Variants in ZMIZ1 observed in about 807,000 individuals in gnomAD.
ZMIZ1 encodes zinc finger MIZ domain-containing protein 1.
ZMIZ1 carries 17 observed loss-of-function variants against 113.9 expected under a neutral mutation model. The observed-to-expected ratio is 0.15, with a 90% CI of 0.10 to 0.22. The LOEUF is 0.22. Ranked by LOEUF, ZMIZ1 falls within the 10% of genes least tolerant of loss-of-function variation. The pLI is 1.00. For missense variants in ZMIZ1, 1,059 were observed against 1,477.8 expected (o/e 0.72, Z 4.65); for synonymous variants, 607 against 603.1 (o/e 1.01, Z -0.09).
At chr10:79,311,284 A>AGTAGGGGG in intron 24 of ZMIZ1, 100 bp downstream of exon 24, 1 of 187,322 alleles carries the variant, frequency 5.3e-6, no homozygotes, top group Non-Finnish European at 9.0e-6. Context: ...CCCCGAAGGG[A>AGTAGGGGG]GGAGGTGGGT....
chr10:79,255,839 A>G (rs940231157), intron 7 of ZMIZ1, among the ~76,000 whole-genome samples: 2 of 152,234 alleles, frequency 1.3e-5, no homozygotes, highest in Admixed American at 6.5e-5. Flanking sequence ...TCGATCATAA[A>G]CAGAAGTGAT....
intron 7 of ZMIZ1, among the ~76,000 whole-genome samples, chr10:79,257,368 C>T (rs183016167): frequency 3.9e-4 from 60 of 152,364 alleles, no homozygotes; most frequent in African/African-American, 1.3e-3. Flanking sequence ...CTGAGGGCCT[C>T]AGTTGTGCTG....
chr10:79,285,379 T>A (rs1259799398), intron 8 of ZMIZ1: 15 of 437,320 alleles, frequency 3.4e-5, no homozygotes, highest in South Asian at 2.4e-4. Context: ...CTGGGCCTCA[T>A]ACATGTTAGG....
At chr10:79,310,813 G>T (rs1172481607) in intron 23 of ZMIZ1, 111 bp from the exon 24 acceptor site, 7 of 1,295,942 alleles carry the variant, frequency 5.4e-6, no homozygotes, top group Non-Finnish European at 6.3e-6. Context: ...GGGTGGCCAC[G>T]TTTCGGGGGT....
rs114190561 is a variant in ZMIZ1, at chr10:79,237,589, C to T, written c.280+21315C>T. ...TGTGGCAACATAACTTCAGTCTTCA[C>T]GTGGCATTGTCCCTGCATGCATGTC... is the stretch of plus-strand genomic sequence containing the variant. On this transcript the variant is annotated intron_variant, in intron 7 of 24. Coordinates refer to ENST00000334512, the MANE Select transcript of ZMIZ1 (RefSeq NM_020338.4). Among the ~76,000 whole-genome samples, 150 of 152,302 alleles carry T rather than the reference C, an allele frequency of 9.8e-4. 1 individual carries two copies. Among genetic ancestry groups the T allele is most frequent in the African/African-American group, 3.3e-3 (138 of 41,566 alleles).
At chr10:79,308,742 C>T (rs76410646) in intron 23 of ZMIZ1, among the ~76,000 whole-genome samples, 2 of 152,086 alleles carry the variant, frequency 1.3e-5, no homozygotes, top group Non-Finnish European at 2.9e-5. Flanking sequence ...TCCTGATGCC[C>T]CTTCCTGGGC....
chr10:79,234,741 G>A (rs184154419), intron 7 of ZMIZ1, among the ~76,000 whole-genome samples: 16 of 152,334 alleles, frequency 1.1e-4, no homozygotes, highest in African/African-American at 3.8e-4. Flanking sequence ...TAGACCTCTT[G>A]CCTGGCCCAC....
chr10:79,298,296 C>A, intron 14 of ZMIZ1, 110 bp from the exon 15 acceptor site: 2 of 1,265,272 alleles, frequency 1.6e-6, no homozygotes, highest in Admixed American at 2.6e-5. Flanking sequence ...GCTCTCCTCC[C>A]GAGGGGCATG....
intron 20 of ZMIZ1, 33 bp from the exon 21 acceptor site, chr10:79,305,500 A>C (rs1854625689): frequency 6.2e-7 from 1 of 1,612,492 alleles, no homozygotes; most frequent in South Asian, 1.1e-5. Flanking sequence ...TGGGTCCTGG[A>C]GCAGAGGCCA....
chr10:79,093,527 A>G (rs1160691583), intron 1 of ZMIZ1, among the ~76,000 whole-genome samples: 6 of 151,874 alleles, frequency 4.0e-5, no homozygotes, highest in Admixed American at 2.6e-4. Flanking sequence ...GGGTTTCACC[A>G]TGTTGGCCAG....
chr10:79,305,024 T>G (rs554872892), intron 19 of ZMIZ1, 140 bp from the exon 20 acceptor site: 1 of 917,524 alleles, frequency 1.1e-6, no homozygotes, highest in South Asian at 1.4e-5. Flanking sequence ...ATTGCTTTCA[T>G]TCCACCCAGC....
At chr10:79,258,188 C>G (rs1851039890) in intron 7 of ZMIZ1, among the ~76,000 whole-genome samples, 1 of 152,272 alleles carries the variant, frequency 6.6e-6, no homozygotes, top group Non-Finnish European at 1.5e-5. Flanking sequence ...TCGAGATCAG[C>G]TTGGGCAACA....
At chr10:79,227,962 G>T (rs777831968) in intron 7 of ZMIZ1, among the ~76,000 whole-genome samples, 8 of 152,224 alleles carry the variant, frequency 5.3e-5, no homozygotes, top group Non-Finnish European at 1.2e-4. Flanking sequence ...GCAGAGGGAG[G>T]CTGGACAGGG....
rs1392985310 is a variant in ZMIZ1, at chr10:79,069,201, C to G, written c.-406C>G. 1 of 150,402 alleles carries G rather than the reference C, an allele frequency of 6.6e-6. No individual in the cohort carries two copies. The highest frequency in any genetic ancestry group is 1.5e-5 in the Non-Finnish European group (1 of 67,482). 9.3% of individuals were successfully genotyped at this position (150,402 alleles called of 1,614,324 possible). A position where few individuals can be genotyped will look rare whatever the true frequency, so the allele number is the denominator to read the frequency against. On this transcript the variant is annotated 5_prime_UTR_variant, in exon 1 of 25. Coordinates refer to ENST00000334512, the MANE Select transcript of ZMIZ1 (RefSeq NM_020338.4). The surrounding 1 kb of genome is among the most constrained non-coding windows in gnomAD (Gnocchi z 4.6). Reference sequence around the variant, plus strand: ...GCGCCCTCGCTGCGCTCCTCCCGGCCCGAGCCTGCCCTACCCGGCGGTGGC... The same window carrying G: ...GCGCCCTCGCTGCGCTCCTCCCGGCGCGAGCCTGCCCTACCCGGCGGTGGC...
In ZMIZ1 at chr10:79,307,062, G is replaced by A. The variant is rs117389660; in HGVS notation, c.2669-343G>A. ...ACCCACTCTGGGCCTGGGTCTTGCT[G>A]GGTATGAAAAGTGCCCACATTGGGG... On this transcript the variant is annotated intron_variant, in intron 22 of 24. Transcript: ENST00000334512. 5.8e-4 allele frequency among the ~76,000 whole-genome samples: 89 copies of A among 152,286 alleles called. 1 individual carries two copies. The East Asian group carries it at 0.016, about 27-fold the overall frequency.
chr10:79,165,164 G>A (rs1236827380), intron 4 of ZMIZ1, among the ~76,000 whole-genome samples: 3 of 152,192 alleles, frequency 2.0e-5, no homozygotes, highest in African/African-American at 7.2e-5. Context: ...TGTAACCTCA[G>A]CAGCTCCCTT....
chr10:79,294,021 C>T, intron 12 of ZMIZ1: 1 of 334,354 alleles, frequency 3.0e-6, no homozygotes, highest in Non-Finnish European at 5.8e-6. Context: ...CTCCTGCCCA[C>T]ATGAGAGCTT....
At chr10:79,262,292 A>G (rs1851317489) in intron 7 of ZMIZ1, among the ~76,000 whole-genome samples, 3 of 152,214 alleles carry the variant, frequency 2.0e-5, no homozygotes, top group South Asian at 4.1e-4. Context: ...CCCCAGACCC[A>G]CTGAATCAGA....
chr10:79,226,670 G>A (rs1309547581), intron 7 of ZMIZ1, among the ~76,000 whole-genome samples: 1 of 152,220 alleles, frequency 6.6e-6, no homozygotes, highest in East Asian at 1.9e-4. Flanking sequence ...AATGGAGCAG[G>A]GCCTCGGTAG....
Sources: allele counts gnomAD v4.1 joint callset (sites outside exome capture counted in the v4.1 genomes callset), GRCh38; gene constraint gnomAD v4.1.1; non-coding constraint Gnocchi (gnomAD v3.1); transcripts MANE v1.5; gene names NCBI Gene and HGNC (gene_info 2026-07-23, HGNC 2026-07-21).